Variants in DUSP22 observed in about 807,000 individuals in gnomAD.
DUSP22 encodes dual specificity protein phosphatase 22.
Under a neutral mutation model 24.5 loss-of-function variants are expected in DUSP22, and 24 were observed. The ratio of observed to expected loss-of-function variants is 0.98; its 90% CI spans 0.71 to 1.38. DUSP22 has a LOEUF of 1.38. Ranked by LOEUF, DUSP22 falls within the 40% of genes most tolerant of loss-of-function variation. The probability of loss-of-function intolerance (pLI) is 0.00; values close to 1 mark genes in which losing one functional copy is unlikely to be tolerated. For missense variants in DUSP22, 330 were observed against 269.2 expected (o/e 1.23, Z -1.58); for synonymous variants, 160 against 106.4 (o/e 1.50, Z -3.10).
chr6:301,721 G>A (rs1196929649), intron 1 of DUSP22, among the ~76,000 whole-genome samples: 2 of 152,276 alleles, frequency 1.3e-5, no homozygotes, highest in African/African-American at 2.4e-5. Flanking sequence ...GGAGCCCTGG[G>A]TTTTCATTCG....
intron 6 of DUSP22, 62 bp from the exon 7 acceptor site, chr6:348,707 C>A: frequency 6.2e-7 from 1 of 1,603,498 alleles, no homozygotes; most frequent in Admixed American, 1.7e-5. Context: ...CAGGTGCAAG[C>A]CCACGTGGAT....
chr6:311,738 T>A (rs913178104), intron 2 of DUSP22, 142 bp from the exon 3 acceptor site: 3 of 864,908 alleles, frequency 3.5e-6, no homozygotes, highest in Non-Finnish European at 3.4e-6. Context: ...GCCCTAAGTT[T>A]CCTACATGTA....
At chr6:343,136 TC>T (rs1196363891) in intron 4 of DUSP22, among the ~76,000 whole-genome samples, 1 of 152,298 alleles carries the variant, frequency 6.6e-6, no homozygotes, top group Non-Finnish European at 1.5e-5. Context: ...ACAGCAGGAA[TC>T]CTTTCTTGCC....
At chr6:344,904 C>T (rs879272360) in intron 4 of DUSP22, among the ~76,000 whole-genome samples, 13 of 152,302 alleles carry the variant, frequency 8.5e-5, no homozygotes, top group South Asian at 2.1e-4. Context: ...ACCTGCGTCA[C>T]GGTGGCCTGC....
intron 2 of DUSP22, among the ~76,000 whole-genome samples, chr6:305,980 C>A (rs554933811): frequency 4.0e-4 from 61 of 152,392 alleles, no homozygotes; most frequent in African/African-American, 1.5e-3. Context: ...CCGTATCCCC[C>A]CAGCTCACTA....
rs756790483 is a variant in DUSP22 at position 335,174 on chromosome 6, TA to T, written c.188+12del. 9.9e-6 allele frequency: 16 copies of T among 1,613,070 alleles called. No homozygotes were observed. The highest frequency in any genetic ancestry group is 1.7e-6 in the Non-Finnish European group (2 of 1,179,106). On this transcript the variant is annotated intron_variant, in intron 4 of 6. Transcript: ENST00000419235. ...ACCATCTCAAAACCTGTAAGTTTCT[TA>T]TTTCTGTATTATTTGGAGACATTTA...
chr6:323,683 G>A (rs1357328767), intron 3 of DUSP22, among the ~76,000 whole-genome samples: 1 of 152,310 alleles, frequency 6.6e-6, no homozygotes, highest in African/African-American at 2.4e-5. Flanking sequence ...CTGTCAGTTT[G>A]TAACTCTGGG....
chr6:326,933 G>C (rs376546557), intron 3 of DUSP22, among the ~76,000 whole-genome samples: 161 of 152,356 alleles, frequency 1.1e-3, no homozygotes, highest in African/African-American at 3.6e-3. Flanking sequence ...GAATGACTTT[G>C]TGCAATGGGA....
chr6:304,037 C>T (rs1409044985), intron 1 of DUSP22, among the ~76,000 whole-genome samples: 1 of 152,304 alleles, frequency 6.6e-6, no homozygotes, highest in Non-Finnish European at 1.5e-5. Flanking sequence ...TGACTGTCAT[C>T]CTGGCCTGGG....
Position 345,857 on chromosome 6 carries a change from A to G in DUSP22, c.192A>G (p.Thr64=). The change falls in exon 5 of 7, where the codon ACA becomes ACG. Residue 64 remains threonine, a synonymous_variant. Transcript: ENST00000419235. ...PAADSPSQNL[T]RHFKESIKFI... Reference sequence around the variant, plus strand: ...TTCTCTTTTTTTCTTTTCCCAGGACAAGACATTTCAAAGAAAGTATTAAAT... The same window carrying G: ...TTCTCTTTTTTTCTTTTCCCAGGACGAGACATTTCAAAGAAAGTATTAAAT... 3 of 1,614,226 alleles carry G rather than the reference A, an allele frequency of 1.9e-6. No individual in the cohort carries two copies. The highest frequency in any genetic ancestry group is 1.1e-5 in the South Asian group (1 of 91,086).
In DUSP22 at chr6:304,680, ATTG is replaced by A. The variant is rs762582315; in HGVS notation, c.55+24_55+26del. 1.2e-5 allele frequency: 19 copies of A among 1,614,060 alleles called. No homozygotes were observed. The African/African-American group carries it at 1.9e-4, about 16-fold the overall frequency. On this transcript the variant is annotated intron_variant, in intron 2 of 6. Coordinates refer to ENST00000419235, the MANE Select transcript of DUSP22 (RefSeq NM_001286555.3). ...TTCAAAGGTGAGTTCTTGCTTTTTT[ATTG>A]TTGTGATAAAATACACATAACATAA...
chr6:324,151 C>T (rs1354498005), intron 3 of DUSP22, among the ~76,000 whole-genome samples: 3 of 152,308 alleles, frequency 2.0e-5, no homozygotes, highest in Non-Finnish European at 4.4e-5. Flanking sequence ...GGCTTGCAGC[C>T]GCATGGCTAC....
intron 3 of DUSP22, among the ~76,000 whole-genome samples, chr6:329,269 C>G (rs1759029191): frequency 6.6e-6 from 1 of 152,298 alleles, no homozygotes; most frequent in Admixed American, 6.5e-5. Context: ...CAGTCAGATT[C>G]ATAGAGATAG....
intron 3 of DUSP22, among the ~76,000 whole-genome samples, chr6:334,714 A>G (rs1054092667): frequency 9.8e-5 from 15 of 152,300 alleles, no homozygotes; most frequent in Non-Finnish European, 7.3e-5. Context: ...TAAGGTTTTT[A>G]CTTACGAACA....
intron 2 of DUSP22, among the ~76,000 whole-genome samples, chr6:307,350 C>T (rs1202163855): frequency 6.6e-6 from 1 of 152,270 alleles, no homozygotes; most frequent in African/African-American, 2.4e-5. Context: ...TCCTTCTCCT[C>T]TTCCCTCCTT....
At chr6:330,207 T>C (rs1470383281) in intron 3 of DUSP22, among the ~76,000 whole-genome samples, 4 of 152,296 alleles carry the variant, frequency 2.6e-5, no homozygotes, top group African/African-American at 7.2e-5. Flanking sequence ...AGTGGTGACA[T>C]GTTTATTAGC....
At chr6:333,110 A>G (rs1581179651) in intron 3 of DUSP22, among the ~76,000 whole-genome samples, 1 of 152,304 alleles carries the variant, frequency 6.6e-6, no homozygotes, top group South Asian at 2.1e-4. Flanking sequence ...TCCGAGCTGT[A>G]ATACCACTCT....
intron 1 of DUSP22, among the ~76,000 whole-genome samples, chr6:300,290 G>GGGCTCA (rs1554097953): frequency 1.2e-4 from 19 of 152,302 alleles, no homozygotes; most frequent in Non-Finnish European, 2.8e-4. Flanking sequence ...CTTCGGGCTC[G>GGGCTCA]GGCTCAGGCT....
At chr6:332,155 T>A (rs1043936004) in intron 3 of DUSP22, among the ~76,000 whole-genome samples, 1 of 152,302 alleles carries the variant, frequency 6.6e-6, no homozygotes, top group Non-Finnish European at 1.5e-5. Flanking sequence ...CCGGGCACCC[T>A]TGCAGGGAAG....
Sources: allele counts gnomAD v4.1 joint callset (sites outside exome capture counted in the v4.1 genomes callset), GRCh38; gene constraint gnomAD v4.1.1; transcripts MANE v1.5; gene names NCBI Gene and HGNC (gene_info 2026-07-23, HGNC 2026-07-21).